The following METTL23 variants were observed in gnomAD, a reference collection of about 807,000 sequenced individuals.
METTL23 encodes histone-arginine methyltransferase METTL23.
A neutral mutation model predicts 21.2 loss-of-function variants in METTL23; 24 were observed. That is an observed-to-expected ratio of 1.13 (90% CI 0.82 to 1.59). The LOEUF (loss-of-function observed/expected upper bound fraction) is 1.59, where lower values mean the gene tolerates loss of function less well. METTL23 is among the 40% of genes most tolerant of loss of function. METTL23 has a pLI of 0.00. For missense variants in METTL23, 276 were observed against 221.4 expected (o/e 1.25, Z -1.57); for synonymous variants, 97 against 75.2 (o/e 1.29, Z -1.50).
chr17:76,730,278 G>A (rs972079049), intron 2 of METTL23, among the ~76,000 whole-genome samples: 1 of 150,042 alleles, frequency 6.7e-6, no homozygotes, highest in Non-Finnish European at 1.5e-5. Flanking sequence ...AACAGAGCGA[G>A]ACTCCATCTC....
chr17:76,729,679 A>G lies in METTL23; in HGVS notation c.-21-11A>G, dbSNP rs926219835. The G allele has an allele frequency of 1.4e-5, 22 of 1,530,236 alleles. No individual in the cohort carries two copies. The highest frequency in any genetic ancestry group is 2.0e-5 in the Non-Finnish European group (22 of 1,122,582). 94.8% of individuals were successfully genotyped at this position (1,530,236 alleles called of 1,614,324 possible). ...TAAATTATTTATGGCACACAAAAAC[A>G]TTCTTTTCAGGTCCTGCATCTCCAG... On this transcript the variant is annotated splice_polypyrimidine_tract_variant and intron_variant, in intron 1 of 4. Transcript: ENST00000341249.
At chr17:76,727,515 G>A (rs1463958682) in intron 1 of METTL23, among the ~76,000 whole-genome samples, 2 of 152,146 alleles carry the variant, frequency 1.3e-5, no homozygotes, top group African/African-American at 4.8e-5. Flanking sequence ...TCTCCACATC[G>A]AATCTTTCCT....
chr17:76,729,701 C>G lies in METTL23; in HGVS notation c.-10C>G. On this transcript the variant is annotated 5_prime_UTR_variant, in exon 2 of 5. Coordinates refer to ENST00000341249, the MANE Select transcript of METTL23 (RefSeq NM_001080510.5). ...AACATTCTTTTCAGGTCCTGCATCT[C>G]CAGTATGGAATGTATGTTTGGCCCT... 6.3e-7 allele frequency: 1 copy of G among 1,585,820 alleles called. No homozygotes were observed. The highest frequency in any genetic ancestry group is 8.6e-7 in the Non-Finnish European group (1 of 1,163,410).
In METTL23 at chr17:76,733,194, G is replaced by A. The variant is rs1196571702; in HGVS notation, c.301G>A (p.Asp101Asn). 2.5e-6 allele frequency: 4 copies of A among 1,613,812 alleles called. No individual in the cohort carries two copies. The South Asian group carries it at 4.4e-5, about 18-fold the overall frequency. ...ACCACAAGATATTATCCTTGCATCT[G>A]ATGTGTTCTTTGAACCAGAAGGTAA... ...LPPQDIILAS[D>N]VFFEPEDFED... is the part of the protein sequence containing the mutation. The change falls in exon 3 of 5, where the codon GAT becomes AAT. Residue 101 changes from aspartate (D) to asparagine (N), a missense_variant. Physicochemically the swap from Asp to Asn is conservative, Grantham distance 23. Transcript: ENST00000341249.
chr17:76,733,367 CAA>C lies in METTL23; in HGVS notation c.398_399del (p.Gln133ArgfsTer2). The C allele has an allele frequency of 6.2e-7, 1 of 1,613,898 alleles. No individual in the cohort carries two copies. The highest frequency in any genetic ancestry group is 8.5e-7 in the Non-Finnish European group (1 of 1,179,846). ...CAAGGTCCAATTGTGGTCTACTTAT[CAA>C]GTTAGGAGGCAAGTATGGATGACCC... ...NPKVQLWSTYQVRSADWSLEA... is the reference protein window; with the variant it reads ...NPKVQLWSTYXVRSADWSLEA... On this transcript the variant is annotated frameshift_variant, in exon 4 of 5. Coordinates refer to ENST00000341249, the MANE Select transcript of METTL23 (RefSeq NM_001080510.5). LOFTEE classifies it high-confidence loss of function.
chr17:76,732,651 A>G (rs55641540), intron 2 of METTL23: 4,508 of 338,648 alleles, frequency 0.013, 180 homozygotes, highest in African/African-American at 0.086. Flanking sequence ...TCAAAAAAAT[A>G]AAACAAAACT....
chr17:76,727,280 C>T (rs370314316), intron 1 of METTL23, 102 bp downstream of exon 1: 4 of 347,252 alleles, frequency 1.2e-5, no homozygotes, highest in South Asian at 8.5e-5. Flanking sequence ...CGCTCAGCTG[C>T]GCAGCTTCCT....
intron 1 of METTL23, 26 bp downstream of exon 1, chr17:76,727,204 G>C (rs538484398): frequency 5.4e-4 from 207 of 380,078 alleles, no homozygotes; most frequent in South Asian, 3.5e-3. Flanking sequence ...CCCGCCAGGA[G>C]GCGCCTGAGG....
chr17:76,727,733 T>C (rs1010574145), intron 1 of METTL23, among the ~76,000 whole-genome samples: 1 of 152,238 alleles, frequency 6.6e-6, no homozygotes, highest in Non-Finnish European at 1.5e-5. Flanking sequence ...ATAATTCTTT[T>C]TCTTTTCTTT....
intron 1 of METTL23, among the ~76,000 whole-genome samples, chr17:76,728,749 G>A (rs987096224): frequency 6.7e-6 from 1 of 148,404 alleles, no homozygotes. Context: ...CTTCCTAAAT[G>A]TAGGGGGTGA....
intron 2 of METTL23, 22 bp downstream of exon 2, chr17:76,729,816 C>G: frequency 1.3e-6 from 2 of 1,547,086 alleles, no homozygotes; most frequent in South Asian, 2.3e-5. Context: ...CCTGAAGTTT[C>G]CAGAGTTCTA....
chr17:76,733,794 G>T lies in METTL23; in HGVS notation c.*108G>T. On this transcript the variant is annotated 3_prime_UTR_variant, in exon 5 of 5. Coordinates refer to ENST00000341249, the MANE Select transcript of METTL23 (RefSeq NM_001080510.5). ...TGAGAATGCAGTGGGTCTGAAGATG[G>T]TCAAGTCTGTTTGCCTTAGATTTTG... 1.0e-6 allele frequency: 1 copy of T among 964,546 alleles called. No individual in the cohort carries two copies. Among genetic ancestry groups the T allele is most frequent in the Non-Finnish European group, 1.5e-6 (1 of 669,048 alleles). The allele number at this position is 964,546 out of a possible 1,614,324, so 59.7% of individuals were successfully genotyped here.
At chr17:76,726,470 G>A (rs759080580), upstream of METTL23, 25 of 1,599,990 alleles carry the variant, frequency 1.6e-5, no homozygotes, top group Non-Finnish European at 2.1e-5. Context: ...TGCTCTTGTG[G>A]TTCATTCTGC....
At chr17:76,728,412 A>ATTTGTTTTTTTTTTT (rs1463836132) in intron 1 of METTL23, among the ~76,000 whole-genome samples, 1 of 14,760 alleles carries the variant, frequency 6.8e-5, no homozygotes, top group African/African-American at 8.8e-5. Context: ...GGCTTCACGG[A>ATTTGTTTTTTTTTTT]TTTTTTTTTT....
At chr17:76,728,656 C>G (rs1347413203) in intron 1 of METTL23, among the ~76,000 whole-genome samples, 1 of 152,066 alleles carries the variant, frequency 6.6e-6, no homozygotes, top group East Asian at 1.9e-4. Flanking sequence ...GGTGATGCAC[C>G]TGCCTCGGCC....
intron 2 of METTL23, among the ~76,000 whole-genome samples, chr17:76,731,510 TA>T (rs2077207724): frequency 6.6e-6 from 1 of 152,180 alleles, no homozygotes; most frequent in African/African-American, 2.4e-5. Context: ...ATCAGATGGG[TA>T]ATTAGGATTT....
At chr17:76,732,863 A>T (rs909784211) in intron 2 of METTL23, 115 bp from the exon 3 acceptor site, 10 of 825,690 alleles carry the variant, frequency 1.2e-5, no homozygotes, top group African/African-American at 3.4e-5. Flanking sequence ...AAACCCAGAA[A>T]GACTGACTCT....
chr17:76,726,695 C>G, upstream of METTL23: 1 of 602,952 alleles, frequency 1.7e-6, no homozygotes. Context: ...CCCGACGCCT[C>G]TCGCGGTTTT....
At chr17:76,726,564 G>T (rs2076943407), upstream of METTL23, 1 of 1,473,310 alleles carries the variant, frequency 6.8e-7, no homozygotes. Context: ...GGGCGGCGGC[G>T]ACGGCAGTAC....
Sources: gnomAD v4.1 joint callset for allele counts (sites outside exome capture counted in the v4.1 genomes callset) on GRCh38, gnomAD v4.1.1 for gene constraint, MANE v1.5 for transcripts, NCBI Gene and HGNC (gene_info 2026-07-23, HGNC 2026-07-21) for gene names.